The following ZNF546 variants were observed in gnomAD, a reference collection of about 807,000 sequenced individuals.
The protein encoded by ZNF546 is zinc finger protein 546.
A neutral mutation model predicts 76.2 loss-of-function variants in ZNF546; 60 were observed. The observed-to-expected ratio is 0.79, with a 90% CI of 0.64 to 0.98. The LOEUF (loss-of-function observed/expected upper bound fraction) is 0.98. ZNF546 is among the 50% of genes least tolerant of loss of function. The pLI is 0.00. For missense variants in ZNF546, 936 were observed against 1,035.6 expected, an observed-to-expected ratio of 0.90 and a Z score of 1.32; for synonymous variants, 277 against 328.1, an observed-to-expected ratio of 0.84 and a Z score of 1.68.
rs755564736 is a variant in ZNF546, at chr19:40,015,467, C to G, written c.2197C>G (p.Arg733Gly). ...GGAATGTGGAAAGACCTTTAGTCGT[C>G]GGTATCATCTTACTCAACATTTTAG... ...CKECGKTFSR[R>G]YHLTQHFRLH... Residue 733 changes from arginine to glycine, a missense_variant, in exon 7 of 7, where the codon CGG (arginine) becomes GGG (glycine). By Grantham distance (125) the Arg-to-Gly change is moderately radical (BLOSUM62 -2). Transcript: ENST00000347077. 2.5e-6 allele frequency: 4 copies of G among 1,614,028 alleles called. No individual in the cohort carries two copies. The African/African-American group carries it at 5.3e-5, about 22-fold the overall frequency.
rs1971483355 is a variant in ZNF546, at chr19:39,998,398, A to G, written c.72A>G (p.Ser24=). The change falls in exon 3 of 7, where the codon TCA becomes TCG. Residue 24 remains serine, a synonymous_variant. Transcript: ENST00000347077. ...FLIFQIIPLH[S]LSIMPRFLWI... The stretch of plus-strand genomic sequence containing the variant: ...TTTTTCAAATCATTCCTCTGCACTC[A>G]CTTTCTATAATGGTAGAGAAATGCA... 2 of 1,613,830 alleles carry G rather than the reference A, an allele frequency of 1.2e-6. No homozygotes were observed. The highest frequency in any genetic ancestry group is 1.7e-6 in the Non-Finnish European group (2 of 1,179,742).
chr19:40,004,250 C>T (rs1040419892), intron 3 of ZNF546, among the ~76,000 whole-genome samples: 2 of 150,732 alleles, frequency 1.3e-5, no homozygotes, highest in African/African-American at 2.4e-5. Flanking sequence ...ATATGTATGC[C>T]GGTGTGTATA....
Position 40,015,670 on chromosome 19 carries a change from T to C in ZNF546, c.2400T>C (p.Thr800=). 6.2e-7 allele frequency: 1 copy of C among 1,614,204 alleles called. No homozygotes were observed. The highest frequency in any genetic ancestry group is 8.5e-7 in the Non-Finnish European group (1 of 1,180,022). ...SELTRHHRIH[T]GEKPYQCKEC... The stretch of plus-strand genomic sequence containing the variant: ...TTACTCGACATCACAGAATTCATAC[T>C]GGTGAAAAACCCTATCAATGTAAAG... Residue 800 remains threonine, a synonymous_variant, in exon 7 of 7, where the codon ACT becomes ACC. Coordinates refer to ENST00000347077, the MANE Select transcript of ZNF546 (RefSeq NM_178544.5).
intron 6 of ZNF546, among the ~76,000 whole-genome samples, chr19:40,012,987 G>T (rs532271483): frequency 6.6e-6 from 1 of 151,814 alleles, no homozygotes; most frequent in Non-Finnish European, 1.5e-5. Flanking sequence ...CTAATTTTTT[G>T]TATTTTTAGT....
At chr19:40,001,987 A>G (rs1156442194) in intron 3 of ZNF546, among the ~76,000 whole-genome samples, 1 of 152,188 alleles carries the variant, frequency 6.6e-6, no homozygotes, top group Non-Finnish European at 1.5e-5. Context: ...TCCCTAATTT[A>G]CCAACAAACT....
rs1971830632 is a variant in ZNF546, at chr19:40,019,774, ATTTG to A, written c.*3997_*4000del. Reference sequence around the variant, plus strand: ...CCTAGTAAAGCAATTAAGCAAAATAATTTGTTTACTTGGACTGTCCAGGGATAGA... The same window carrying A: ...CCTAGTAAAGCAATTAAGCAAAATAATTTACTTGGACTGTCCAGGGATAGA... On this transcript the variant is annotated 3_prime_UTR_variant, in exon 7 of 7. Transcript: ENST00000347077. 6.6e-6 allele frequency: 1 copy of A among 152,170 alleles called. No individual in the cohort carries two copies. Among genetic ancestry groups the A allele is most frequent in the African/African-American group, 2.4e-5 (1 of 41,444 alleles). The allele number at this position is 152,170 out of a possible 1,614,324, so 9.4% of individuals were successfully genotyped here.
intron 3 of ZNF546, among the ~76,000 whole-genome samples, chr19:40,000,609 C>A: frequency 7.4e-6 from 1 of 135,450 alleles, no homozygotes; most frequent in Non-Finnish European, 1.6e-5. Flanking sequence ...GAGTGAGACT[C>A]TGTCTCAAAA....
Position 40,019,508 on chromosome 19 carries a change from G to T in ZNF546, c.*3727G>T, listed in dbSNP as rs1262673180. ...TTGATTTTAGTATAGCTAATCAAAG[G>T]AAAAAGATAATTACAGCATTGTGAA... On this transcript the variant is annotated 3_prime_UTR_variant, in exon 7 of 7. Transcript: ENST00000347077. 5 of 152,266 alleles carry T rather than the reference G, an allele frequency of 3.3e-5. No homozygotes were observed. The highest frequency in any genetic ancestry group is 3.4e-3 in the Middle Eastern group (1 of 294). The allele number at this position is 152,266 out of a possible 1,614,324, so 9.4% of individuals were successfully genotyped here.
At position 40,013,955 on chromosome 19, in the gene ZNF546, C is replaced by T; in HGVS notation, c.685C>T (p.Gln229Ter). 1.2e-6 allele frequency: 2 copies of T among 1,612,244 alleles called. No individual in the cohort carries two copies. Among genetic ancestry groups the T allele is most frequent in the Non-Finnish European group, 1.7e-6 (2 of 1,179,100 alleles). ...GGAATGTAGAAAGGCCTTTAGACAACAGTCATACCTTATTCAACATCTGAG... is the reference window on the plus strand; with the variant it reads ...GGAATGTAGAAAGGCCTTTAGACAATAGTCATACCTTATTCAACATCTGAG... ...CKECRKAFRQQSYLIQHLRIH... is the reference protein window; with the variant it reads ...CKECRKAFRQ The change falls in exon 7 of 7, where the codon CAG becomes TAG. Residue 229 changes from glutamine (Q) to a stop codon, truncating the protein, a stop_gained. Coordinates refer to ENST00000347077, the MANE Select transcript of ZNF546 (RefSeq NM_178544.5). LOFTEE classifies it high-confidence loss of function.
chr19:39,999,774 G>C, intron 3 of ZNF546: 1 of 150,706 alleles, frequency 6.6e-6, no homozygotes, highest in Middle Eastern at 3.2e-3. Flanking sequence ...ATGGGGTTTC[G>C]CCATGTTGGC....
chr19:40,015,791 G>C lies in ZNF546; in HGVS notation c.*10G>C. On this transcript the variant is annotated 3_prime_UTR_variant, in exon 7 of 7. Transcript: ENST00000347077. ...CCTATGCATAATGTAAAGAGAATAC[G>C]ATGGCCTTTAGAAAATGCCCTTTAG... 1 of 1,611,314 alleles carries C rather than the reference G, an allele frequency of 6.2e-7. No individual in the cohort carries two copies. The highest frequency in any genetic ancestry group is 1.1e-5 in the South Asian group (1 of 90,616).
At chr19:40,004,068 T>A (rs1428259313) in intron 3 of ZNF546, among the ~76,000 whole-genome samples, 1 of 128,870 alleles carries the variant, frequency 7.8e-6, no homozygotes, top group African/African-American at 3.9e-5. Context: ...ATATATAATA[T>A]ATAAATATAT....
chr19:40,011,250 G>T (rs1971668511), intron 6 of ZNF546: 1 of 131,566 alleles, frequency 7.6e-6, no homozygotes, highest in African/African-American at 4.1e-5. Context: ...TTTTTTGACA[G>T]AGTCTCGCTC....
intron 3 of ZNF546, among the ~76,000 whole-genome samples, chr19:40,001,427 A>G (rs948779327): frequency 1.3e-5 from 2 of 151,326 alleles, no homozygotes; most frequent in Admixed American, 6.6e-5. Context: ...CTGTGGCTCA[A>G]TCTCAGCTCA....
At chr19:40,011,461 T>C (rs1003649227) in intron 6 of ZNF546, 1 of 152,136 alleles carries the variant, frequency 6.6e-6, no homozygotes, top group African/African-American at 2.4e-5. Context: ...CCTGACCTCA[T>C]GATCTGCCCA....
At chr19:40,001,788 A>G (rs1187514965) in intron 3 of ZNF546, among the ~76,000 whole-genome samples, 1 of 152,204 alleles carries the variant, frequency 6.6e-6, no homozygotes, top group South Asian at 2.1e-4. Context: ...TGGGCATGAG[A>G]CTCAAACTTT....
intron 3 of ZNF546, among the ~76,000 whole-genome samples, chr19:40,003,884 C>T (rs944310034): frequency 1.3e-5 from 2 of 151,456 alleles, no homozygotes; most frequent in African/African-American, 4.9e-5. Context: ...CAGTGGTGGG[C>T]GCCTGTAATC....
chr19:40,020,244 C>T lies in ZNF546; in HGVS notation c.*4463C>T, dbSNP rs991909297. ...TAATGTCCATTGTCAACCAAAATGT[C>T]TGTGATCTCATGGATCCATTATGAT... On this transcript the variant is annotated 3_prime_UTR_variant, in exon 7 of 7. Coordinates refer to ENST00000347077, the MANE Select transcript of ZNF546 (RefSeq NM_178544.5). 2.0e-5 allele frequency: 3 copies of T among 152,172 alleles called. No homozygotes were observed. The highest frequency in any genetic ancestry group is 7.2e-5 in the African/African-American group (3 of 41,452). 9.4% of individuals were successfully genotyped at this position (152,172 alleles called of 1,614,324 possible). A position where few individuals can be genotyped will look rare whatever the true frequency, so the allele number is the denominator to read the frequency against.
chr19:40,014,170 C>T lies in ZNF546; in HGVS notation c.900C>T (p.Pro300=). 6.2e-7 allele frequency: 1 copy of T among 1,612,924 alleles called. No homozygotes were observed. The highest frequency in any genetic ancestry group is 2.2e-5 in the East Asian group (1 of 44,804). ...EHQRIHSGVK[P]YECKECGKAF... is the part of the protein sequence containing the mutation. ...AGAGAATACATTCTGGTGTGAAACC[C>T]TACGAGTGTAAGGAATGTGGGAAAG... The change falls in exon 7 of 7, where the codon CCC becomes CCT. Residue 300 remains proline, a synonymous_variant. Transcript: ENST00000347077.
Sources: allele counts gnomAD v4.1 joint callset (sites outside exome capture counted in the v4.1 genomes callset), GRCh38; gene constraint gnomAD v4.1.1; transcripts MANE v1.5; gene names NCBI Gene and HGNC (gene_info 2026-07-23, HGNC 2026-07-21).